ZNF165: variants seen among roughly 807,000 people sequenced by gnomAD.
ZNF165 encodes cancer/testis antigen 53.
In ZNF165, 14 loss-of-function variants were observed where a neutral mutation model predicts 19.6. The ratio of observed to expected loss-of-function variants is 0.71; its 90% CI spans 0.47 to 1.12. The LOEUF (loss-of-function observed/expected upper bound fraction) is 1.12. Ranked by LOEUF, ZNF165 falls within the 50% of genes most tolerant of loss-of-function variation. ZNF165 has a pLI of 0.00. For missense variants in ZNF165, 504 were observed against 566.3 expected (o/e 0.89, Z 1.12); for synonymous variants, 165 against 195.0 (o/e 0.85, Z 1.28).
chr6:28,085,442 C>T (rs1764251952), intron 1 of ZNF165, 39 bp from the exon 2 acceptor site: 2 of 1,578,836 alleles, frequency 1.3e-6, no homozygotes, highest in Non-Finnish European at 1.7e-6. Flanking sequence ...TAAAGAAGAC[C>T]CTTTCCAAAG....
rs1407828416 is a variant in ZNF165 at position 28,088,605 on chromosome 6, T to G, written c.593T>G (p.Ile198Ser). 2 of 1,610,974 alleles carry G rather than the reference T, an allele frequency of 1.2e-6. No homozygotes were observed. Among genetic ancestry groups the G allele is most frequent in the South Asian group, 2.2e-5 (2 of 90,014 alleles). ...ENSRSMPKLE[I>S]FEKIESQRII... ...AGTAGATCCATGCCAAAGCTGGAAA[T>G]TTTTGAAAAAATTGAATCACAGAGA... The change falls in exon 4 of 4, where the codon ATT becomes AGT. Residue 198 changes from isoleucine (I) to serine (S), a missense_variant. Transcript: ENST00000683778.
rs1581485112 is a variant in ZNF165, at chr6:28,088,661, T to C, written c.649T>C (p.Ser217Pro). Reference sequence around the variant, plus strand: ...ATCTGGAAGAATCTCAGGATACATATCAGAAGCATCTGGTGAGTCTCAAGA... The same window carrying C: ...ATCTGGAAGAATCTCAGGATACATACCAGAAGCATCTGGTGAGTCTCAAGA... ...IISGRISGYISEASGESQDIC... is the reference protein window; with the variant it reads ...IISGRISGYIPEASGESQDIC... Residue 217 changes from serine to proline, a missense_variant, in exon 4 of 4, where the codon TCA (serine) becomes CCA (proline). Ser to Pro is a moderately conservative substitution (Grantham distance 74, BLOSUM62 -1). Coordinates refer to ENST00000683778, the MANE Select transcript of ZNF165 (RefSeq NM_001376491.1). 1.9e-6 allele frequency: 3 copies of C among 1,614,016 alleles called. No homozygotes were observed.
At chr6:28,084,927 C>G (rs900216606) in intron 1 of ZNF165, among the ~76,000 whole-genome samples, 3 of 152,154 alleles carry the variant, frequency 2.0e-5, no homozygotes, top group African/African-American at 7.2e-5. Context: ...AAACGTTTTG[C>G]TTTCCCTCTT....
At position 28,088,560 on chromosome 6, in the gene ZNF165, T is replaced by G. The variant is rs376839270; in HGVS notation, c.551-3T>G. On this transcript the variant is annotated splice_polypyrimidine_tract_variant and splice_region_variant and intron_variant, in intron 3 of 3. Coordinates refer to ENST00000683778, the MANE Select transcript of ZNF165 (RefSeq NM_001376491.1). ...TAATATTTCCCTTTCTTTTTTATTT[T>G]AGATAATGAGAGTGAAAACAGTAGA... The G allele has an allele frequency of 8.3e-6, 13 of 1,568,240 alleles. No individual in the cohort carries two copies. The African/African-American group carries it at 1.7e-4, about 20-fold the overall frequency.
upstream of ZNF165, chr6:28,080,514 A>C (rs1764126490): frequency 1.3e-5 from 2 of 150,022 alleles, no homozygotes; most frequent in Admixed American, 1.3e-4. Context: ...AGCACCTGGA[A>C]CTACAGGCGC....
chr6:28,087,002 A>T (rs971562836), intron 3 of ZNF165, among the ~76,000 whole-genome samples: 1 of 152,214 alleles, frequency 6.6e-6, no homozygotes, highest in Non-Finnish European at 1.5e-5. Flanking sequence ...ATAGTATATA[A>T]TTCACAAGTA....
In ZNF165 at chr6:28,085,631, C is replaced by G; in HGVS notation, c.151C>G (p.Leu51Val). ...ELLKQELCRQ[L>V]FRQFCYQDSP... ...CCTTAAGCAGGAGCTCTGCAGGCAG[C>G]TTTTTAGGCAGTTCTGCTACCAGGA... The change falls in exon 2 of 4, where the codon CTT becomes GTT. Residue 51 changes from leucine to valine, a missense_variant. Physicochemically the swap from Leu to Val is conservative, Grantham distance 32. Transcript: ENST00000683778. 6.2e-7 allele frequency: 1 copy of G among 1,614,226 alleles called. No individual in the cohort carries two copies. The highest frequency in any genetic ancestry group is 1.1e-5 in the South Asian group (1 of 91,092).
chr6:28,087,236 GTTTGTTTTGT>G (rs1164948064), intron 3 of ZNF165, among the ~76,000 whole-genome samples: 2 of 151,988 alleles, frequency 1.3e-5, no homozygotes, highest in East Asian at 1.9e-4. Flanking sequence ...TTTTTGGTTT[GTTTGTTTTGT>G]TTTGTTTTGT....
At chr6:28,083,277 T>C (rs1259396120) in intron 1 of ZNF165, among the ~76,000 whole-genome samples, 2 of 152,226 alleles carry the variant, frequency 1.3e-5, no homozygotes, top group Non-Finnish European at 2.9e-5. Flanking sequence ...AAATTTCTCT[T>C]CAAAGAATCA....
At chr6:28,086,331 T>C (rs751828438) in intron 3 of ZNF165, 21 bp downstream of exon 3, 2 of 1,605,668 alleles carry the variant, frequency 1.2e-6, no homozygotes, top group Admixed American at 1.7e-5. Context: ...GAATGCCATA[T>C]AGTGCACATC....
chr6:28,081,388 T>C (rs1464753959), intron 1 of ZNF165: 1 of 152,198 alleles, frequency 6.6e-6, no homozygotes, highest in Non-Finnish European at 1.5e-5. Flanking sequence ...CCTGCTTCCC[T>C]TGGGAAGAGT....
chr6:28,087,724 A>G (rs112419881), intron 3 of ZNF165, among the ~76,000 whole-genome samples: 1 of 152,192 alleles, frequency 6.6e-6, no homozygotes, highest in Admixed American at 6.5e-5. Context: ...GGGCGGTTCA[A>G]TTCCAGCACA....
rs372867095 is a variant in ZNF165 at position 28,088,756 on chromosome 6, G to A, written c.744G>A (p.Ser248=). The part of the protein sequence containing the change: ...EKESGESQRL[S]SAQDEGFGKI... ...AATCAGGGGAGTCTCAGAGACTCTC[G>A]TCTGCCCAGGATGAAGGTTTTGGTA... The change falls in exon 4 of 4, where the codon TCG becomes TCA. Residue 248 remains serine (S), a synonymous_variant. Coordinates refer to ENST00000683778, the MANE Select transcript of ZNF165 (RefSeq NM_001376491.1). The A allele has an allele frequency of 5.0e-5, 81 of 1,613,986 alleles. 1 individual carries two copies. Among genetic ancestry groups the A allele is most frequent in the South Asian group, 2.9e-4 (26 of 91,072 alleles).
intron 3 of ZNF165, among the ~76,000 whole-genome samples, chr6:28,087,589 G>T (rs1764306687): frequency 6.6e-6 from 1 of 152,074 alleles, no homozygotes; most frequent in African/African-American, 2.4e-5. Flanking sequence ...CTTCAGTTTT[G>T]TTCTGGAAAC....
At chr6:28,087,503 C>T (rs1407703621) in intron 3 of ZNF165, among the ~76,000 whole-genome samples, 1 of 152,224 alleles carries the variant, frequency 6.6e-6, no homozygotes, top group African/African-American at 2.4e-5. Context: ...CTTGGCCTCC[C>T]AGAGTGCTGG....
chr6:28,086,859 A>T (rs1186392911), intron 3 of ZNF165, among the ~76,000 whole-genome samples: 11 of 152,244 alleles, frequency 7.2e-5, no homozygotes, highest in African/African-American at 2.7e-4. Flanking sequence ...ATAAAAGTGA[A>T]TGAGTTGAGA....
Position 28,086,715 on chromosome 6 carries a change from GA to G in ZNF165, c.550+415del, listed in dbSNP as rs763208489. Among the ~76,000 whole-genome samples, 27 of 147,136 alleles carry G rather than the reference GA, an allele frequency of 1.8e-4. No homozygotes were observed. In the South Asian group the frequency reaches 1.9e-3, roughly 11 times the overall value. On this transcript the variant is annotated intron_variant, in intron 3 of 3. Coordinates refer to ENST00000683778, the MANE Select transcript of ZNF165 (RefSeq NM_001376491.1). ...CAGAGCAAGACTCCATCTCATAAAG[GA>G]AAAAAAAAAGAGAGAGAGAACTTGT...
intron 1 of ZNF165, among the ~76,000 whole-genome samples, chr6:28,082,181 G>C (rs1764171547): frequency 6.6e-6 from 1 of 151,182 alleles, no homozygotes. Flanking sequence ...GATAAATTTT[G>C]TTCTTACTTA....
At chr6:28,081,983 G>A (rs781598466) in intron 1 of ZNF165, among the ~76,000 whole-genome samples, 17 of 152,120 alleles carry the variant, frequency 1.1e-4, no homozygotes, top group Non-Finnish European at 2.5e-4. Context: ...GATTATATGG[G>A]CCTACTTTAC....
Sources: gnomAD v4.1 joint callset for allele counts (sites outside exome capture counted in the v4.1 genomes callset) on GRCh38, gnomAD v4.1.1 for gene constraint, MANE v1.5 for transcripts, NCBI Gene and HGNC (gene_info 2026-07-23, HGNC 2026-07-21) for gene names.